The following NRN1 variants were observed in gnomAD, a reference collection of about 807,000 sequenced individuals.
The protein encoded by NRN1 is neuritin 1.
In NRN1, 4 loss-of-function variants were observed where a neutral mutation model predicts 15.0. That is an observed-to-expected ratio of 0.27 (90% confidence interval 0.13 to 0.61). The LOEUF is 0.61. Ranked by LOEUF, NRN1 falls within the 20% of genes least tolerant of loss-of-function variation. NRN1 has a pLI of 0.87. For missense variants in NRN1, 134 were observed against 181.9 expected, an observed-to-expected ratio of 0.74 and a Z score of 1.51; for synonymous variants, 85 against 79.8, an observed-to-expected ratio of 1.07 and a Z score of -0.35.
At chr6:5,999,306 C>A in intron 2 of NRN1, 102 bp from the exon 3 acceptor site, 1 of 978,584 alleles carries the variant, frequency 1.0e-6, no homozygotes, top group Non-Finnish European at 1.6e-6. Flanking sequence ...GCCCCGCCAA[C>A]TTCCCGGGGT....
intron 1 of NRN1, among the ~76,000 whole-genome samples, chr6:6,005,147 C>T (rs1400578639): frequency 6.6e-6 from 1 of 152,130 alleles, no homozygotes; most frequent in Admixed American, 6.5e-5. Flanking sequence ...CTCCAAACCT[C>T]TCAAAGTAAG....
At chr6:6,002,919 T>C (rs1757997749) in intron 1 of NRN1, 2 of 393,036 alleles carry the variant, frequency 5.1e-6, no homozygotes, top group South Asian at 8.7e-5. Flanking sequence ...CGCAATGCGA[T>C]CTTCCATTTT....
chr6:6,005,775 G>T (rs1286147358), intron 1 of NRN1, among the ~76,000 whole-genome samples: 1 of 152,110 alleles, frequency 6.6e-6, no homozygotes. Context: ...TTAATGTTCT[G>T]ACCCAGTGTC....
intron 1 of NRN1, chr6:6,002,763 C>T: frequency 2.1e-6 from 1 of 486,674 alleles, no homozygotes; most frequent in East Asian, 3.4e-5. Context: ...CATTCCTTTC[C>T]TCCAGCTCCC....
chr6:6,005,677 A>C (rs909553059), intron 1 of NRN1, among the ~76,000 whole-genome samples: 2 of 152,238 alleles, frequency 1.3e-5, no homozygotes, highest in African/African-American at 4.8e-5. Context: ...GATAGGAGGT[A>C]ACAATTCCGT....
At chr6:6,004,193 C>T (rs1425391763) in intron 1 of NRN1, 2 of 209,844 alleles carry the variant, frequency 9.5e-6, no homozygotes, top group African/African-American at 2.3e-5. Context: ...CTTCTCAAAC[C>T]TCCGAGTTCA....
intron 1 of NRN1, chr6:6,003,640 G>GCCCCCAAT: frequency 1.8e-6 from 2 of 1,111,478 alleles, no homozygotes; most frequent in Non-Finnish European, 1.1e-6. Flanking sequence ...CAAGCCCCAA[G>GCCCCCAAT]CCCCCAAGCC....
chr6:6,007,148 T>C (rs916655608), upstream of NRN1, among the ~76,000 whole-genome samples: 2 of 152,036 alleles, frequency 1.3e-5, no homozygotes, highest in Non-Finnish European at 2.9e-5. Flanking sequence ...TATCTCCAAT[T>C]AATGTGCGAT....
intron 1 of NRN1, among the ~76,000 whole-genome samples, chr6:6,005,816 A>G (rs902994834): frequency 2.6e-5 from 4 of 152,192 alleles, no homozygotes; most frequent in Admixed American, 2.0e-4. Flanking sequence ...GCCCTCTTCT[A>G]TATCTTTTCT....
upstream of NRN1, chr6:6,006,988 T>C: frequency 2.5e-6 from 1 of 397,948 alleles, no homozygotes; most frequent in East Asian, 5.5e-5. Flanking sequence ...TGGGAATGGT[T>C]CACTCCATTA....
chr6:5,998,967 G>A lies in NRN1; in HGVS notation c.*9C>T. On this transcript the variant is annotated 3_prime_UTR_variant, in exon 3 of 3. Transcript: ENST00000244766. ...GTGGGTGGGCGCGCGGGGGGAGCTG[G>A]CCCCACGCTCAGAAGGAAAGCCAGG... 4 of 1,596,422 alleles carry A rather than the reference G, an allele frequency of 2.5e-6. No homozygotes were observed. Among genetic ancestry groups the A allele is most frequent in the Non-Finnish European group, 3.4e-6 (4 of 1,168,494 alleles).
At chr6:6,005,105 T>C (rs1233804153) in intron 1 of NRN1, among the ~76,000 whole-genome samples, 1 of 152,086 alleles carries the variant, frequency 6.6e-6, no homozygotes, top group Non-Finnish European at 1.5e-5. Context: ...TCAAAACGCG[T>C]CCCTCAGGCA....
chr6:6,006,323 AT>A (rs1388920158), intron 1 of NRN1, among the ~76,000 whole-genome samples: 1 of 152,212 alleles, frequency 6.6e-6, no homozygotes, highest in Non-Finnish European at 1.5e-5. Flanking sequence ...CTGCATTCAC[AT>A]TTCGACTCTT....
intron 1 of NRN1, among the ~76,000 whole-genome samples, chr6:6,004,956 T>C (rs1034665216): frequency 2.1e-5 from 3 of 143,640 alleles, no homozygotes; most frequent in Non-Finnish European, 4.6e-5. Flanking sequence ...CAAATGTCAA[T>C]GATTTGGGAC....
Position 6,004,864 on chromosome 6 carries a change from C to G in NRN1, c.55+1831G>C, listed in dbSNP as rs557779815. 3.3e-5 allele frequency among the ~76,000 whole-genome samples: 5 copies of G among 152,156 alleles called. No homozygotes were observed. The South Asian group carries it at 1.0e-3, about 32-fold the overall frequency. On this transcript the variant is annotated intron_variant, in intron 1 of 2. Transcript: ENST00000244766. ...CATTCGTTCGACCTCTCATTCATTC[C>G]GAACTTCCTCCTGCTGCGTCTTCTT...
chr6:6,006,967 G>T (rs1177892925), upstream of NRN1: 37 of 420,062 alleles, frequency 8.8e-5, no homozygotes, highest in African/African-American at 5.7e-4. Context: ...GGCTGAGGGG[G>T]GGGGGAGAGC....
In NRN1 at chr6:6,006,760, G is replaced by C. The variant is rs1360932048; in HGVS notation, c.-11C>G. 6.2e-7 allele frequency: 1 copy of C among 1,613,888 alleles called. No individual in the cohort carries two copies. The highest frequency in any genetic ancestry group is 1.7e-5 in the Admixed American group (1 of 60,010). ...CAACTTAAGTCCCATCCTACGTTTA[G>C]TCAAACCATTTGCGACCGCAGACCT... On this transcript the variant is annotated 5_prime_UTR_variant, in exon 1 of 3. Transcript: ENST00000244766.
rs1178620968 is a variant in NRN1 at position 5,999,216 on chromosome 6, C to A, written c.201-12G>T. The A allele has an allele frequency of 1.3e-6, 2 of 1,595,140 alleles. No individual in the cohort carries two copies. Among genetic ancestry groups the A allele is most frequent in the Non-Finnish European group, 1.7e-6 (2 of 1,164,698 alleles). On this transcript the variant is annotated splice_polypyrimidine_tract_variant and intron_variant, in intron 2 of 2. Transcript: ENST00000244766. ...AATCCTCCCAGTATCTGGTGAGGAA[C>A]AGAACAAAACAGAACAAGCAGGTTC...
At position 5,998,257 on chromosome 6, in the gene NRN1, A is replaced by C. The variant is rs1481611943; in HGVS notation, c.*719T>G. ...AAAACAAGAGGGAGGAGGGAAAATA[A>C]AGGCAGTGAACTTGGACGGATGCAT... On this transcript the variant is annotated 3_prime_UTR_variant, in exon 3 of 3. Transcript: ENST00000244766. The C allele has an allele frequency of 6.6e-6, 1 of 152,256 alleles. No individual in the cohort carries two copies. The highest frequency in any genetic ancestry group is 1.5e-5 in the Non-Finnish European group (1 of 68,090). The allele number at this position is 152,256 out of a possible 1,614,324, so 9.4% of individuals were successfully genotyped here.
Sources: allele counts gnomAD v4.1 joint callset (sites outside exome capture counted in the v4.1 genomes callset), GRCh38; gene constraint gnomAD v4.1.1; transcripts MANE v1.5; gene names NCBI Gene and HGNC (gene_info 2026-07-23, HGNC 2026-07-21).